CNBD1: variants seen among roughly 807,000 people sequenced by gnomAD.
CNBD1 encodes the protein cyclic nucleotide-binding domain-containing protein 1.
Under a neutral mutation model 54.4 loss-of-function variants are expected in CNBD1, and 71 were observed. That is an observed-to-expected ratio of 1.30 (90% CI 1.08 to 1.59). CNBD1 has a LOEUF of 1.59. CNBD1 is among the 40% of genes most tolerant of loss of function. CNBD1 has a pLI of 0.00. For missense variants in CNBD1, 659 were observed against 518.0 expected (o/e 1.27, Z -2.64); for synonymous variants, 182 against 170.7 (o/e 1.07, Z -0.51).
chr8:86,933,482 A>C (rs957871040), intron 3 of CNBD1, among the ~76,000 whole-genome samples: 7 of 152,238 alleles, frequency 4.6e-5, no homozygotes, highest in African/African-American at 1.7e-4. Flanking sequence ...AAGTTACAGA[A>C]TCCATAAGAA....
At chr8:87,269,560 A>T (rs1329461818) in intron 6 of CNBD1, among the ~76,000 whole-genome samples, 1 of 151,884 alleles carries the variant, frequency 6.6e-6, no homozygotes, top group African/African-American at 2.4e-5. Context: ...AGCATGGAAT[A>T]TTTTTCCATT....
At position 87,344,575 on chromosome 8, in the gene CNBD1, T is replaced by A. The variant is rs561612534; in HGVS notation, c.1043-7110T>A. On this transcript the variant is annotated intron_variant, in intron 8 of 10. Coordinates refer to ENST00000518476, the MANE Select transcript of CNBD1 (RefSeq NM_173538.3). ...TTGAGTTTAAATAACCAAGATGTAATAAAATAAATCTCTTTACTACAAATG... is the reference window on the plus strand; with the variant it reads ...TTGAGTTTAAATAACCAAGATGTAAAAAAATAAATCTCTTTACTACAAATG... Among the ~76,000 whole-genome samples the A allele has an allele frequency of 1.7e-4, 26 of 152,232 alleles. No individual in the cohort carries two copies. In the East Asian group the frequency reaches 5.0e-3, roughly 29 times the overall value.
intron 4 of CNBD1, among the ~76,000 whole-genome samples, chr8:87,028,003 G>T (rs1404973117): frequency 6.6e-6 from 1 of 151,864 alleles, no homozygotes; most frequent in Non-Finnish European, 1.5e-5. Flanking sequence ...CCCAGTGTCT[G>T]GTACCCACAA....
intron 4 of CNBD1, among the ~76,000 whole-genome samples, chr8:87,026,063 T>A (rs1036456790): frequency 6.6e-6 from 1 of 152,202 alleles, no homozygotes; most frequent in African/African-American, 2.4e-5. Context: ...TTCTTCCAAA[T>A]CACCTTCTAT....
chr8:87,336,873 G>GT, intron 8 of CNBD1, among the ~76,000 whole-genome samples: 1 of 152,148 alleles, frequency 6.6e-6, no homozygotes, highest in Admixed American at 6.5e-5. Context: ...CTTGGATGAG[G>GT]TTTTTTTGGT....
In CNBD1 at chr8:87,049,684, A is replaced by G. The variant is rs954480467; in HGVS notation, c.431+109930A>G. 2.6e-5 allele frequency among the ~76,000 whole-genome samples: 4 copies of G among 152,180 alleles called. No individual in the cohort carries two copies. In the East Asian group the frequency reaches 7.7e-4, roughly 29 times the overall value. On this transcript the variant is annotated intron_variant, in intron 4 of 10. Coordinates refer to ENST00000518476, the MANE Select transcript of CNBD1 (RefSeq NM_173538.3). ...GGTTCTCTGGTTTCCTCTGAGAGGA[A>G]AGTGCAGGGTTTAGGCAAGGGCACA...
In CNBD1 at chr8:87,382,677, A is replaced by G; in HGVS notation, c.*50A>G. 2 of 1,362,224 alleles carry G rather than the reference A, an allele frequency of 1.5e-6. No homozygotes were observed. The highest frequency in any genetic ancestry group is 2.5e-5 in the East Asian group (1 of 39,790). 84.4% of individuals were successfully genotyped at this position (1,362,224 alleles called of 1,614,324 possible). A position where few individuals can be genotyped will look rare whatever the true frequency, so the allele number is the denominator to read the frequency against. On this transcript the variant is annotated 3_prime_UTR_variant, in exon 11 of 11. Coordinates refer to ENST00000518476, the MANE Select transcript of CNBD1 (RefSeq NM_173538.3). ...TTAATTAAGAAAGTATTGACTAAAT[A>G]ATGGAATAATTGCATTCTGGAATAC...
chr8:87,124,329 T>G (rs1811950766), intron 4 of CNBD1, among the ~76,000 whole-genome samples: 1 of 151,678 alleles, frequency 6.6e-6, no homozygotes, highest in Admixed American at 6.6e-5. Flanking sequence ...AAGACAAATC[T>G]TAATAAATTT....
At chr8:86,939,100 C>T (rs4412391) in intron 3 of CNBD1, among the ~76,000 whole-genome samples, 1 of 151,912 alleles carries the variant, frequency 6.6e-6, no homozygotes, top group Non-Finnish European at 1.5e-5. Context: ...TTGTACATCT[C>T]TTAGGGATTT....
At chr8:87,148,696 T>C (rs1812540277) in intron 4 of CNBD1, among the ~76,000 whole-genome samples, 1 of 152,168 alleles carries the variant, frequency 6.6e-6, no homozygotes. Flanking sequence ...AAAATTCCCC[T>C]GCCCTGATGA....
At chr8:87,052,432 G>T (rs1347290707) in intron 4 of CNBD1, among the ~76,000 whole-genome samples, 1 of 152,188 alleles carries the variant, frequency 6.6e-6, no homozygotes, top group African/African-American at 2.4e-5. Flanking sequence ...ATCTATCATA[G>T]ATAGCTTAGA....
At chr8:87,313,203 A>ATATT (rs1201316768) in intron 8 of CNBD1, among the ~76,000 whole-genome samples, 3 of 152,164 alleles carry the variant, frequency 2.0e-5, no homozygotes, top group African/African-American at 7.2e-5. Flanking sequence ...TACTACGTTA[A>ATATT]TATTTATTTA....
chr8:87,312,994 A>G (rs1425231417), intron 8 of CNBD1, among the ~76,000 whole-genome samples: 1 of 151,996 alleles, frequency 6.6e-6, no homozygotes, highest in East Asian at 1.9e-4. Context: ...GACATACTCT[A>G]AGTGTTTTGA....
chr8:87,024,678 T>A (rs995165312), intron 4 of CNBD1, among the ~76,000 whole-genome samples: 4 of 152,252 alleles, frequency 2.6e-5, no homozygotes, highest in African/African-American at 9.6e-5. Flanking sequence ...AGTAATTGAT[T>A]ATTTTTGGTT....
intron 10 of CNBD1, among the ~76,000 whole-genome samples, chr8:87,366,253 G>C (rs1433624683): frequency 2.0e-5 from 3 of 152,060 alleles, no homozygotes; most frequent in African/African-American, 7.2e-5. Context: ...TGGCCAAGCT[G>C]TGATCTAATT....
At chr8:86,959,019 C>T (rs186396857) in intron 4 of CNBD1, among the ~76,000 whole-genome samples, 22 of 152,128 alleles carry the variant, frequency 1.4e-4, no homozygotes, top group Non-Finnish European at 3.1e-4. Flanking sequence ...GTTCTTCCTC[C>T]AGGAGTTCTT....
chr8:87,099,632 A>C (rs1811389850), intron 4 of CNBD1, among the ~76,000 whole-genome samples: 1 of 152,192 alleles, frequency 6.6e-6, no homozygotes. Context: ...AAAATAGAAC[A>C]TTCAAGGAAG....
At chr8:87,076,552 C>T (rs959979573) in intron 4 of CNBD1, among the ~76,000 whole-genome samples, 1 of 152,010 alleles carries the variant, frequency 6.6e-6, no homozygotes, top group Non-Finnish European at 1.5e-5. Flanking sequence ...AAGCGATTCT[C>T]CTGCCTCAGC....
chr8:87,028,358 G>C (rs568377785), intron 4 of CNBD1, among the ~76,000 whole-genome samples: 1 of 152,162 alleles, frequency 6.6e-6, no homozygotes, highest in Non-Finnish European at 1.5e-5. Flanking sequence ...AGCTATTTAG[G>C]AGATCTTCTA....
Sources: allele counts gnomAD v4.1 joint callset (sites outside exome capture counted in the v4.1 genomes callset), GRCh38; gene constraint gnomAD v4.1.1; transcripts MANE v1.5; gene names NCBI Gene and HGNC (gene_info 2026-07-23, HGNC 2026-07-21).